Variants in MPRIP observed in about 807,000 individuals in gnomAD.
The protein encoded by MPRIP is myosin phosphatase Rho-interacting protein.
Under a neutral mutation model 234.9 loss-of-function variants are expected in MPRIP, and 59 were observed. The observed-to-expected ratio is 0.25, with a 90% CI of 0.20 to 0.31. The LOEUF (loss-of-function observed/expected upper bound fraction) is 0.31, where lower values mean the gene tolerates loss of function less well. Among genes scored for constraint, MPRIP ranks in the 10% least tolerant of loss-of-function variants. MPRIP has a pLI of 1.00. For missense variants in MPRIP, 2,436 were observed against 3,071.0 expected (o/e 0.79, Z 4.89); for synonymous variants, 1,144 against 1,263.9 (o/e 0.91, Z 2.01).
At chr17:17,115,285 G>A (rs566775882) in intron 3 of MPRIP, among the ~76,000 whole-genome samples, 5 of 152,364 alleles carry the variant, frequency 3.3e-5, no homozygotes, top group South Asian at 4.1e-4. Flanking sequence ...GTAGGGCCTC[G>A]GGATTTTGGC....
intron 4 of MPRIP, among the ~76,000 whole-genome samples, chr17:17,130,769 C>T (rs8064991): frequency 0.087 from 13,281 of 152,202 alleles, 813 homozygotes; most frequent in East Asian, 0.18. Flanking sequence ...CCCTCCGCTC[C>T]TCCCACCCCC....
At chr17:17,051,547 C>T (rs1040194267) in intron 1 of MPRIP, among the ~76,000 whole-genome samples, 3 of 146,540 alleles carry the variant, frequency 2.0e-5, no homozygotes, top group Non-Finnish European at 3.0e-5. Flanking sequence ...GGCGGGGTGG[C>T]GGGGGAGGGC....
chr17:17,080,521 T>TG (rs1357850926), intron 3 of MPRIP, among the ~76,000 whole-genome samples: 2 of 152,172 alleles, frequency 1.3e-5, no homozygotes, highest in Non-Finnish European at 2.9e-5. Context: ...AATAGACCAG[T>TG]GGTCCTCAGC....
At chr17:17,113,813 C>T (rs1174883315) in intron 3 of MPRIP, among the ~76,000 whole-genome samples, 1 of 151,984 alleles carries the variant, frequency 6.6e-6, no homozygotes, top group Non-Finnish European at 1.5e-5. Flanking sequence ...TTTAACTTAC[C>T]TCTACCCTAG....
intron 1 of MPRIP, among the ~76,000 whole-genome samples, chr17:17,063,574 TGCATC>T (rs1162000631): frequency 6.6e-6 from 1 of 152,176 alleles, no homozygotes; most frequent in African/African-American, 2.4e-5. Context: ...CCCACCTGTC[TGCATC>T]GACTGTTTGA....
At chr17:17,133,746 G>T (rs1373258185) in intron 5 of MPRIP, among the ~76,000 whole-genome samples, 1 of 152,238 alleles carries the variant, frequency 6.6e-6, no homozygotes, top group Non-Finnish European at 1.5e-5. Context: ...CAGCCTTTCA[G>T]CTGAGGGCGG....
chr17:17,089,521 G>C (rs2089666511), intron 3 of MPRIP, among the ~76,000 whole-genome samples: 1 of 151,972 alleles, frequency 6.6e-6, no homozygotes, highest in African/African-American at 2.4e-5. Context: ...ATCCTGGAGT[G>C]CAGTGGCGCA....
intron 20 of MPRIP, 100 bp from the exon 21 acceptor site, chr17:17,176,326 C>G: frequency 1.1e-6 from 1 of 876,956 alleles, no homozygotes; most frequent in Non-Finnish European, 1.9e-6. Flanking sequence ...GCCCTGCTCA[C>G]TGGTGATTGG....
At chr17:17,047,984 A>G (rs1238308220) in intron 1 of MPRIP, among the ~76,000 whole-genome samples, 1 of 152,126 alleles carries the variant, frequency 6.6e-6, no homozygotes, top group Non-Finnish European at 1.5e-5. Context: ...AGGGGTGGGC[A>G]TTAGTGGGAG....
intron 3 of MPRIP, among the ~76,000 whole-genome samples, chr17:17,121,121 T>A (rs1048370045): frequency 2.0e-5 from 3 of 152,208 alleles, no homozygotes; most frequent in Admixed American, 2.0e-4. Context: ...ATTACAGTTC[T>A]GCGTTGTTTA....
rs998942487 is a variant in MPRIP at position 17,188,726 on chromosome 17, A to G, written c.*3832A>G. On this transcript the variant is annotated 3_prime_UTR_variant, in exon 24 of 24. Transcript: ENST00000651222. ...CTGAAAACTGAACACAATCCTGATC[A>G]TCACTCCTGCCTGGCTGTCTCCTGG... 6.6e-6 allele frequency: 1 copy of G among 152,284 alleles called. No homozygotes were observed. The highest frequency in any genetic ancestry group is 1.5e-5 in the Non-Finnish European group (1 of 68,082). The allele number at this position is 152,284 out of a possible 1,614,324, so 9.4% of individuals were successfully genotyped here. A position where few individuals can be genotyped will look rare whatever the true frequency, so the allele number is the denominator to read the frequency against.
At position 17,175,312 on chromosome 17, in the gene MPRIP, C is replaced by A; in HGVS notation, c.6770C>A (p.Ala2257Asp). 6.2e-7 allele frequency: 1 copy of A among 1,613,604 alleles called. No individual in the cohort carries two copies. Residue 2257 changes from alanine to aspartate, a missense_variant, in exon 20 of 24, where the codon GCT becomes GAT. Physicochemically the swap from Ala to Asp is moderately radical, Grantham distance 126. Around this residue, in one of 4 missense-constraint regions of MPRIP, gnomAD observed 1,998 missense variants for 2,520.3 expected, o/e 0.79. Coordinates refer to ENST00000651222, the MANE Select transcript of MPRIP (RefSeq NM_001364716.4). Reference sequence around the variant, plus strand: ...CCCCAGGAGCTGAACAACCGCCTGGCTGCAGAGATCACACGGTTGCGGACG... The same window carrying A: ...CCCCAGGAGCTGAACAACCGCCTGGATGCAGAGATCACACGGTTGCGGACG... ...AHNQELNNRLAAEITRLRTLL... is the reference protein window; with the variant it reads ...AHNQELNNRLDAEITRLRTLL...
intron 15 of MPRIP, among the ~76,000 whole-genome samples, chr17:17,161,770 GCCTGCTTACAA>G (rs2045876279): frequency 6.6e-6 from 1 of 152,186 alleles, no homozygotes; most frequent in Admixed American, 6.5e-5. Context: ...CAAGTCCAGT[GCCTGCTTACAA>G]CCAACAGCAA....
chr17:17,075,224 A>G (rs2089299899), intron 1 of MPRIP, among the ~76,000 whole-genome samples: 1 of 152,208 alleles, frequency 6.6e-6, no homozygotes, highest in African/African-American at 2.4e-5. Context: ...TTCTGCACGC[A>G]GTCACACAGC....
intron 1 of MPRIP, among the ~76,000 whole-genome samples, chr17:17,068,978 G>A (rs2089125855): frequency 1.3e-5 from 2 of 152,026 alleles, no homozygotes; most frequent in South Asian, 2.1e-4. Context: ...TCATAGTTAC[G>A]TTAGTTCCCT....
At chr17:17,091,294 C>T (rs2089710994) in intron 3 of MPRIP, among the ~76,000 whole-genome samples, 1 of 152,052 alleles carries the variant, frequency 6.6e-6, no homozygotes, top group Non-Finnish European at 1.5e-5. Flanking sequence ...GAAGGAGGGT[C>T]TTTGGGGACA....
At chr17:17,090,163 G>A (rs868744499) in intron 3 of MPRIP, among the ~76,000 whole-genome samples, 6 of 152,196 alleles carry the variant, frequency 3.9e-5, no homozygotes, top group Non-Finnish European at 7.3e-5. Context: ...CTTGGGGCAC[G>A]AAGGTGAAGG....
intron 3 of MPRIP, among the ~76,000 whole-genome samples, chr17:17,124,332 G>T (rs769966088): frequency 6.6e-6 from 1 of 152,162 alleles, no homozygotes; most frequent in African/African-American, 2.4e-5. Flanking sequence ...CCAGGGGGCC[G>T]GTGGATGATC....
intron 1 of MPRIP, among the ~76,000 whole-genome samples, chr17:17,059,185 T>A (rs1255895075): frequency 6.6e-6 from 1 of 152,238 alleles, no homozygotes; most frequent in Non-Finnish European, 1.5e-5. Flanking sequence ...CTCACATTTT[T>A]AACTCTTTGC....
Sources: gnomAD v4.1 joint callset for allele counts (sites outside exome capture counted in the v4.1 genomes callset) on GRCh38, gnomAD v4.1.1 for gene constraint, gnomAD v4.1.1 regional missense constraint, MANE v1.5 for transcripts, NCBI Gene and HGNC (gene_info 2026-07-23, HGNC 2026-07-21) for gene names.